Variants in DTNBP1 observed in about 807,000 individuals in gnomAD.
DTNBP1 encodes dystrobrevin binding protein 1, also known as dysbindin.
Under a neutral mutation model 42.8 loss-of-function variants are expected in DTNBP1, and 35 were observed. The ratio of observed to expected loss-of-function variants is 0.82; its 90% CI spans 0.63 to 1.09. The LOEUF (loss-of-function observed/expected upper bound fraction) is 1.09. Ranked by LOEUF, DTNBP1 falls within the 50% of genes least tolerant of loss-of-function variation. The pLI, the probability that DTNBP1 is intolerant of heterozygous loss-of-function variation, is 0.00. For missense variants in DTNBP1, 457 were observed against 424.2 expected (o/e 1.08, Z -0.68); for synonymous variants, 171 against 162.2 (o/e 1.05, Z -0.41).
At chr6:15,606,265 C>G (rs1758045423) in intron 6 of DTNBP1, among the ~76,000 whole-genome samples, 1 of 152,162 alleles carries the variant, frequency 6.6e-6, no homozygotes, top group South Asian at 2.1e-4. Flanking sequence ...TTTGTAGGGG[C>G]AGGAATGTAT....
intron 5 of DTNBP1, among the ~76,000 whole-genome samples, chr6:15,623,423 C>T (rs1289267014): frequency 1.3e-5 from 2 of 152,142 alleles, no homozygotes; most frequent in African/African-American, 4.8e-5. Flanking sequence ...GTGGCTCAAT[C>T]CTGTAATGCC....
intron 7 of DTNBP1, among the ~76,000 whole-genome samples, chr6:15,553,513 A>G (rs1343458942): frequency 6.7e-6 from 1 of 150,192 alleles, no homozygotes; most frequent in East Asian, 2.0e-4. Context: ...AAAGTCTTTT[A>G]TCTATCTTTC....
intron 7 of DTNBP1, among the ~76,000 whole-genome samples, chr6:15,577,228 G>A (rs1266294191): frequency 4.6e-5 from 7 of 152,244 alleles, no homozygotes; most frequent in Non-Finnish European, 1.0e-4. Context: ...CAAGGCCAGA[G>A]AGGGAGCAAA....
At chr6:15,558,934 C>T (rs765472892) in intron 7 of DTNBP1, among the ~76,000 whole-genome samples, 9 of 152,192 alleles carry the variant, frequency 5.9e-5, no homozygotes, top group Non-Finnish European at 1.3e-4. Flanking sequence ...GCATTTCTCA[C>T]TTTATGTGTT....
chr6:15,569,360 CCCG>C (rs1775240741), intron 7 of DTNBP1, among the ~76,000 whole-genome samples: 1 of 138,392 alleles, frequency 7.2e-6, no homozygotes, highest in African/African-American at 2.7e-5. Context: ...AAGACCCCCC[CCCG>C]CCCGCCCCGA....
Position 15,562,257 on chromosome 6 carries a change from TG to T in DTNBP1, c.512-28863del, listed in dbSNP as rs375085980. On this transcript the variant is annotated intron_variant, in intron 7 of 9. Transcript: ENST00000344537. ...TGCACAAGATCCAAGTACCCTCTCT[TG>T]GGGTCTGGATCAGGACCCCTTTCTG... Among the ~76,000 whole-genome samples, 216 of 152,342 alleles carry T rather than the reference TG, an allele frequency of 1.4e-3. 2 individuals carry two copies. The highest frequency in any genetic ancestry group is 4.9e-3 in the African/African-American group (205 of 41,584).
At chr6:15,657,465 G>A (rs943683199) in intron 1 of DTNBP1, among the ~76,000 whole-genome samples, 2 of 152,052 alleles carry the variant, frequency 1.3e-5, no homozygotes, top group African/African-American at 4.8e-5. Flanking sequence ...TATCAGCACT[G>A]CCTTATCTTC....
intron 9 of DTNBP1, chr6:15,524,308 A>G (rs1772186669): frequency 1.9e-6 from 3 of 1,610,730 alleles, no homozygotes; most frequent in Middle Eastern, 2.2e-4. Flanking sequence ...ACCGGAGTGG[A>G]GCATGTCAAA....
chr6:15,646,286 C>T (rs56039953), intron 3 of DTNBP1, among the ~76,000 whole-genome samples: 368 of 140,654 alleles, frequency 2.6e-3, no homozygotes, highest in African/African-American at 9.6e-3. Context: ...CACACACACA[C>T]ATATACAATA....
At chr6:15,546,714 G>A (rs931674286) in intron 7 of DTNBP1, among the ~76,000 whole-genome samples, 36 of 152,074 alleles carry the variant, frequency 2.4e-4, no homozygotes, top group Non-Finnish European at 4.1e-4. Flanking sequence ...TTAAGGGTAC[G>A]GTGTGGTGGC....
At chr6:15,652,969 A>G (rs531782781) in intron 1 of DTNBP1, among the ~76,000 whole-genome samples, 2 of 152,306 alleles carry the variant, frequency 1.3e-5, no homozygotes, top group Admixed American at 6.5e-5. Flanking sequence ...TTAGAAACCA[A>G]GATTCCTAAA....
intron 7 of DTNBP1, among the ~76,000 whole-genome samples, chr6:15,591,730 G>A (rs1776306486): frequency 6.6e-6 from 1 of 152,068 alleles, no homozygotes; most frequent in Non-Finnish European, 1.5e-5. Context: ...TGAGATGCAA[G>A]TAAAACTGAC....
intron 1 of DTNBP1, among the ~76,000 whole-genome samples, chr6:15,656,402 T>C (rs553141141): frequency 6.6e-6 from 1 of 152,354 alleles, no homozygotes; most frequent in Non-Finnish European, 1.5e-5. Flanking sequence ...ATAATTTTAT[T>C]TTTAGATAGC....
intron 3 of DTNBP1, among the ~76,000 whole-genome samples, chr6:15,646,262 C>T (rs9476881): frequency 1.3e-4 from 5 of 39,996 alleles, no homozygotes; most frequent in African/African-American, 8.8e-4. Flanking sequence ...ACAATAGACA[C>T]ACACACACAC....
At position 15,533,220 on chromosome 6, in the gene DTNBP1, C is replaced by T; in HGVS notation, c.667+20G>A. 1 of 1,612,682 alleles carries T rather than the reference C, an allele frequency of 6.2e-7. No homozygotes were observed. The highest frequency in any genetic ancestry group is 8.5e-7 in the Non-Finnish European group (1 of 1,179,950). ...CACAGCCGGTGAGTCCCCACACCAG[C>T]AGCCCCAGCCCCCACTCGCCTCGCC... is the stretch of plus-strand genomic sequence containing the variant. On this transcript the variant is annotated intron_variant, in intron 8 of 9. Coordinates refer to ENST00000344537, the MANE Select transcript of DTNBP1 (RefSeq NM_032122.5).
rs1773011975 is a variant in DTNBP1 at position 15,533,443 on chromosome 6, G to T, written c.512-48C>A. The T allele has an allele frequency of 3.1e-6, 5 of 1,614,030 alleles. No homozygotes were observed. In the East Asian group the frequency reaches 1.1e-4, roughly 36 times the overall value. On this transcript the variant is annotated intron_variant, in intron 7 of 9. Coordinates refer to ENST00000344537, the MANE Select transcript of DTNBP1 (RefSeq NM_032122.5). ...GTTAGGGTTTGAAAAGGGACTGAGAGAGGAAATGGGTATAAACAGCTGCTC... is the reference window on the plus strand; with the variant it reads ...GTTAGGGTTTGAAAAGGGACTGAGATAGGAAATGGGTATAAACAGCTGCTC...
intron 7 of DTNBP1, among the ~76,000 whole-genome samples, chr6:15,581,448 G>A (rs1657990483): frequency 2.0e-5 from 3 of 146,946 alleles, no homozygotes; most frequent in South Asian, 4.3e-4. Flanking sequence ...AAAGCGCTGG[G>A]ATTACAGGCA....
intron 7 of DTNBP1, among the ~76,000 whole-genome samples, chr6:15,574,614 A>G (rs1216426261): frequency 6.6e-6 from 1 of 152,250 alleles, no homozygotes; most frequent in African/African-American, 2.4e-5. Flanking sequence ...CAGTGTGCAC[A>G]GAAATAAACA....
chr6:15,582,742 A>G (rs1775895111), intron 7 of DTNBP1, among the ~76,000 whole-genome samples: 1 of 152,164 alleles, frequency 6.6e-6, no homozygotes, highest in Non-Finnish European at 1.5e-5. Context: ...TTTATCTACC[A>G]TAGTATTTAT....
Sources: allele counts gnomAD v4.1 joint callset (sites outside exome capture counted in the v4.1 genomes callset), GRCh38; gene constraint gnomAD v4.1.1; transcripts MANE v1.5; gene names NCBI Gene and HGNC (gene_info 2026-07-23, HGNC 2026-07-21).